SAMD12: variants seen among roughly 807,000 people sequenced by gnomAD.
SAMD12 encodes sterile alpha motif domain-containing protein 12.
SAMD12 carries 9 observed loss-of-function variants against 15.0 expected under a neutral mutation model. The observed-to-expected ratio is 0.60, with a 90% confidence interval of 0.36 to 1.05. The LOEUF is 1.05. Ranked by LOEUF, SAMD12 falls within the 50% of genes least tolerant of loss-of-function variation. The probability of loss-of-function intolerance (pLI) is 0.01; values close to 1 mark genes in which losing one functional copy is unlikely to be tolerated. For missense variants in SAMD12, 230 were observed against 234.2 expected, an observed-to-expected ratio of 0.98 and a Z score of 0.12; for synonymous variants, 86 against 90.1, an observed-to-expected ratio of 0.96 and a Z score of 0.25.
intron 4 of SAMD12, among the ~76,000 whole-genome samples, chr8:118,213,397 G>T (rs1008225382): frequency 2.6e-5 from 4 of 152,196 alleles, no homozygotes; most frequent in African/African-American, 9.6e-5. Context: ...AACATGGACA[G>T]GCCCACATGG....
chr8:118,535,348 G>A (rs1014475951), intron 2 of SAMD12, among the ~76,000 whole-genome samples: 3 of 152,238 alleles, frequency 2.0e-5, no homozygotes, highest in African/African-American at 7.2e-5. Context: ...TGAGGTGTCA[G>A]TCTGCCCCTA....
rs868724406 is a variant in SAMD12 at position 118,548,215 on chromosome 8, A to C, written c.192+32500T>G. Among the ~76,000 whole-genome samples the C allele has an allele frequency of 3.3e-5, 5 of 152,376 alleles. No homozygotes were observed. In the Middle Eastern group the frequency reaches 0.017, roughly 518 times the overall value. ...AATATGAGCAACAGACAAAAGCTGT[A>C]ACATATAGCAAATATGTTCACGATA... On this transcript the variant is annotated intron_variant, in intron 2 of 3. Coordinates refer to ENST00000314727, the MANE Select transcript of SAMD12 (RefSeq NM_207506.3).
At chr8:118,164,559 T>G in the SAMD12 span, among the ~76,000 whole-genome samples, 1 of 152,276 alleles carries the variant, frequency 6.6e-6, no homozygotes, top group East Asian at 1.9e-4. Context: ...TATTTTTTTA[T>G]TTTTATTTTT....
intron 3 of SAMD12, among the ~76,000 whole-genome samples, chr8:118,399,540 T>C (rs976627552): frequency 2.1e-4 from 32 of 152,164 alleles, no homozygotes; most frequent in Admixed American, 4.6e-4. Flanking sequence ...TGAAGGTACC[T>C]GCCCCAGGTA....
downstream of SAMD12, among the ~76,000 whole-genome samples, chr8:118,373,551 A>G (rs773131548): frequency 7.2e-4 from 110 of 152,320 alleles, no homozygotes; most frequent in Middle Eastern, 0.01. Flanking sequence ...GCTTTGGGAA[A>G]GTCCATCTGG....
the SAMD12 span, among the ~76,000 whole-genome samples, chr8:118,144,466 C>T: frequency 6.6e-6 from 1 of 151,888 alleles, no homozygotes; most frequent in South Asian, 2.1e-4. Context: ...TAGCACAGTG[C>T]CTGGGACATA....
chr8:118,299,587 A>C (rs1814909325), intron 4 of SAMD12, among the ~76,000 whole-genome samples: 1 of 152,182 alleles, frequency 6.6e-6, no homozygotes, highest in African/African-American at 2.4e-5. Flanking sequence ...CCAGTAATGA[A>C]TGGGTTTTGA....
rs1238769082 is a variant in SAMD12, at chr8:118,472,004, T to C, written c.193-32043A>G. Among the ~76,000 whole-genome samples the C allele has an allele frequency of 4.6e-5, 7 of 152,072 alleles. No homozygotes were observed. The East Asian group carries it at 7.7e-4, about 17-fold the overall frequency. On this transcript the variant is annotated intron_variant, in intron 2 of 3. Transcript: ENST00000314727. ...TTCCTCATCTGTAAAAAGTACACAA[T>C]AGGCCGGGCGCGGTGGCTCACGCCT...
In SAMD12 at chr8:118,551,891, A is replaced by G. The variant is rs907849505; in HGVS notation, c.192+28824T>C. ...ATACAAACTACCATCAGAGAATACT[A>G]CAAATACGTCTACGCAAATAAACTA... On this transcript the variant is annotated intron_variant, in intron 2 of 3. Transcript: ENST00000314727. Among the ~76,000 whole-genome samples the G allele has an allele frequency of 8.6e-5, 13 of 151,528 alleles. No individual in the cohort carries two copies. In the South Asian group the frequency reaches 1.7e-3, roughly 19 times the overall value.
intron 2 of SAMD12, among the ~76,000 whole-genome samples, chr8:118,557,573 C>T (rs1826577391): frequency 6.6e-6 from 1 of 152,082 alleles, no homozygotes; most frequent in Non-Finnish European, 1.5e-5. Flanking sequence ...TATCTGAGTC[C>T]AAAGACACAT....
In SAMD12 at chr8:118,554,187, A is replaced by G. The variant is rs186258134; in HGVS notation, c.192+26528T>C. ...ACCCAGACATCCCATTACTGGGTAT[A>G]TACCCAAAGGCCTATAAATCAGGCT... On this transcript the variant is annotated intron_variant, in intron 2 of 3. Transcript: ENST00000314727. 2.4e-4 allele frequency among the ~76,000 whole-genome samples: 37 copies of G among 152,336 alleles called. No individual in the cohort carries two copies. The East Asian group carries it at 3.5e-3, about 14-fold the overall frequency.
chr8:118,549,847 C>A (rs1826265998), intron 2 of SAMD12, among the ~76,000 whole-genome samples: 1 of 152,132 alleles, frequency 6.6e-6, no homozygotes, highest in African/African-American at 2.4e-5. Flanking sequence ...ACTGATGGAG[C>A]TGAAAGCCAA....
chr8:118,225,731 TC>T (rs367752794), intron 4 of SAMD12, among the ~76,000 whole-genome samples: 302 of 151,956 alleles, frequency 2.0e-3, no homozygotes, highest in Middle Eastern at 0.014. Flanking sequence ...GATAAAACAG[TC>T]CCCCTTTTCA....
At position 118,400,028 on chromosome 8, in the gene SAMD12, T is replaced by A. The variant is rs147989355; in HGVS notation, c.323-20328A>T. ...GTGTGTATCATCTATTGATTTTATG[T>A]GTGCCTCATTTTCCATAAAACACTA... On this transcript the variant is annotated intron_variant, in intron 3 of 3. Transcript: ENST00000314727. 7.3e-4 allele frequency among the ~76,000 whole-genome samples: 111 copies of A among 152,346 alleles called. 1 individual carries two copies. Among genetic ancestry groups the A allele is most frequent in the East Asian group, 5.4e-3 (28 of 5,194 alleles).
intron 4 of SAMD12, among the ~76,000 whole-genome samples, chr8:118,292,663 A>G (rs1814464940): frequency 6.6e-6 from 1 of 151,974 alleles, no homozygotes; most frequent in Non-Finnish European, 1.5e-5. Flanking sequence ...AATGTCCAAC[A>G]ATGATAGACT....
Position 118,580,840 on chromosome 8 carries a change from C to T in SAMD12, c.67G>A (p.Gly23Ser), listed in dbSNP as rs766642702. 6.2e-7 allele frequency: 1 copy of T among 1,613,046 alleles called. No homozygotes were observed. Among genetic ancestry groups the T allele is most frequent in the African/African-American group, 1.3e-5 (1 of 74,930 alleles). The change falls in exon 2 of 4, where the codon GGT becomes AGT. Residue 23 changes from glycine (G) to serine (S), a missense_variant. Transcript: ENST00000314727. ...TCACCTTCAATTTGCAGTTTAATACCTTCAGCATGGGCAGGGTGATCAATA... is the reference window on the plus strand; with the variant it reads ...TCACCTTCAATTTGCAGTTTAATACTTTCAGCATGGGCAGGGTGATCAATA... ...RGIDHPAHAEGIKLQIEGEGV... is the reference protein window; with the variant it reads ...RGIDHPAHAESIKLQIEGEGV...
exon 5 of SAMD12, chr8:118,190,858 T>G (rs1461885709): frequency 6.6e-6 from 1 of 152,160 alleles, no homozygotes; most frequent in Non-Finnish European, 1.5e-5. Flanking sequence ...CAAAACATTT[T>G]CTTCCTTTTT....
chr8:118,578,227 G>T (rs559580654), intron 2 of SAMD12, among the ~76,000 whole-genome samples: 1 of 152,140 alleles, frequency 6.6e-6, no homozygotes, highest in South Asian at 2.1e-4. Context: ...TCCTCATAAA[G>T]GAAAAATTAT....
At position 118,538,518 on chromosome 8, in the gene SAMD12, T is replaced by C. The variant is rs531406621; in HGVS notation, c.192+42197A>G. ...TGGTTGAGTTCTGCCTGGTATTGCT[T>C]TCCACTGTGACAGGGCAGCACTGAG... is the stretch of plus-strand genomic sequence containing the variant. On this transcript the variant is annotated intron_variant, in intron 2 of 3. Transcript: ENST00000314727. Among the ~76,000 whole-genome samples, 3 of 152,266 alleles carry C rather than the reference T, an allele frequency of 2.0e-5. No individual in the cohort carries two copies. In the South Asian group the frequency reaches 6.2e-4, roughly 32 times the overall value.
Sources: gnomAD v4.1 joint callset for allele counts (sites outside exome capture counted in the v4.1 genomes callset) on GRCh38, gnomAD v4.1.1 for gene constraint, MANE v1.5 for transcripts, NCBI Gene and HGNC (gene_info 2026-07-23, HGNC 2026-07-21) for gene names.